Variants in SLCO5A1 observed in about 807,000 individuals in gnomAD.
SLCO5A1 encodes the protein solute carrier organic anion transporter family member 5A1.
Under a neutral mutation model 65.1 loss-of-function variants are expected in SLCO5A1, and 39 were observed. The observed-to-expected ratio is 0.60, with a 90% CI of 0.46 to 0.78. The LOEUF is 0.78. Among genes scored for constraint, SLCO5A1 ranks in the 30% least tolerant of loss-of-function variants. SLCO5A1 has a pLI of 0.00. For missense variants in SLCO5A1, 1,029 were observed against 1,069.4 expected, an observed-to-expected ratio of 0.96 and a Z score of 0.53; for synonymous variants, 438 against 415.7, an observed-to-expected ratio of 1.05 and a Z score of -0.65.
chr8:69,767,919 A>AAAAGAAAAG (rs140719370), intron 2 of SLCO5A1, among the ~76,000 whole-genome samples: 2 of 90,698 alleles, frequency 2.2e-5, no homozygotes, highest in South Asian at 3.6e-4. Context: ...AAACAAAAAG[A>AAAAGAAAAG]AAAAGAAAAA....
chr8:69,737,112 TATGTCTTTATATGTATAAG>T (rs1816595221), intron 5 of SLCO5A1, among the ~76,000 whole-genome samples: 1 of 152,246 alleles, frequency 6.6e-6, no homozygotes, highest in African/African-American at 2.4e-5. Flanking sequence ...CCCAATGTTG[TATGTCTTTATATGTATAAG>T]ATGAAGTAAA....
chr8:69,688,049 T>C (rs888604507), intron 6 of SLCO5A1, among the ~76,000 whole-genome samples: 1 of 152,020 alleles, frequency 6.6e-6, no homozygotes. Flanking sequence ...GGTTACAAAA[T>C]TTCAAACTTG....
chr8:69,771,953 G>C (rs1473249243), intron 2 of SLCO5A1, among the ~76,000 whole-genome samples: 1 of 152,162 alleles, frequency 6.6e-6, no homozygotes, highest in Admixed American at 6.5e-5. Flanking sequence ...CCCTGGGGAG[G>C]GTCCTATGGG....
chr8:69,673,066 C>G lies in SLCO5A1; in HGVS notation c.2350G>C (p.Val784Leu), dbSNP rs1186509001. 1 of 1,614,266 alleles carries G rather than the reference C, an allele frequency of 6.2e-7. No individual in the cohort carries two copies. Among genetic ancestry groups the G allele is most frequent in the Admixed American group, 1.7e-5 (1 of 60,036 alleles). ...EFPLSTVSER[V>L]GHPDNARTRS... The stretch of plus-strand genomic sequence containing the variant: ...GTCCGGGCATTGTCGGGGTGTCCCA[C>G]TCTCTCACTCACGGTGCTCAGGGGA... Residue 784 changes from valine to leucine, a missense_variant, in exon 10 of 10, where the codon GTG (valine) becomes CTG (leucine). This residue lies in a region of SLCO5A1 where 258 missense variants were observed against 237.4 expected (regional missense o/e 1.09). Transcript: ENST00000260126.
At position 69,815,048 on chromosome 8, in the gene SLCO5A1, C is replaced by A. The variant is rs570632929; in HGVS notation, c.907+16719G>T. Among the ~76,000 whole-genome samples, 3 of 152,156 alleles carry A rather than the reference C, an allele frequency of 2.0e-5. No individual in the cohort carries two copies. The South Asian group carries it at 6.2e-4, about 32-fold the overall frequency. On this transcript the variant is annotated intron_variant, in intron 2 of 9. Coordinates refer to ENST00000260126, the MANE Select transcript of SLCO5A1 (RefSeq NM_030958.3). The stretch of plus-strand genomic sequence containing the variant: ...TGGGGAGATGATGATTAAAAGGGTA[C>A]AAAATTTCAGGGAGGAGAAATGTTT...
intron 2 of SLCO5A1, among the ~76,000 whole-genome samples, chr8:69,797,445 G>A (rs1378503583): frequency 5.9e-5 from 9 of 152,234 alleles, no homozygotes; most frequent in Admixed American, 3.9e-4. Context: ...GCAATGTTCA[G>A]GGAACAAGAG....
At chr8:69,751,183 T>C (rs970474978) in intron 4 of SLCO5A1, among the ~76,000 whole-genome samples, 7 of 152,118 alleles carry the variant, frequency 4.6e-5, no homozygotes, top group African/African-American at 1.7e-4. Flanking sequence ...CCACCAAAAG[T>C]TTTTTAGATA....
intron 6 of SLCO5A1, among the ~76,000 whole-genome samples, chr8:69,702,504 TAC>T (rs71257200): frequency 0.045 from 6,717 of 148,670 alleles, 296 homozygotes; most frequent in African/African-American, 0.11. Flanking sequence ...ACACACATCT[TAC>T]ACACACACAC....
intron 5 of SLCO5A1, among the ~76,000 whole-genome samples, chr8:69,712,605 A>G (rs1214289971): frequency 1.3e-5 from 2 of 152,176 alleles, no homozygotes; most frequent in African/African-American, 4.8e-5. Flanking sequence ...TATTGTTGCT[A>G]TTGTTAAGAC....
chr8:69,751,083 C>T (rs1200349743), intron 4 of SLCO5A1, among the ~76,000 whole-genome samples: 1 of 152,136 alleles, frequency 6.6e-6, no homozygotes, highest in African/African-American at 2.4e-5. Context: ...ATCTCTGTTA[C>T]ATTTTATGCT....
chr8:69,793,497 C>T (rs1451901973), intron 2 of SLCO5A1, among the ~76,000 whole-genome samples: 1 of 152,130 alleles, frequency 6.6e-6, no homozygotes, highest in Non-Finnish European at 1.5e-5. Flanking sequence ...GACATGGTGG[C>T]TCACGCCTGT....
At chr8:69,784,886 AGAAGAAAG>A (rs1189392316) in intron 2 of SLCO5A1, among the ~76,000 whole-genome samples, 8 of 122,162 alleles carry the variant, frequency 6.5e-5, no homozygotes, top group African/African-American at 1.0e-4. Flanking sequence ...AAAGAAAGAA[AGAAGAAAG>A]GAAGAAAGAA....
At chr8:69,818,127 T>C (rs1408742531) in intron 2 of SLCO5A1, among the ~76,000 whole-genome samples, 1 of 152,232 alleles carries the variant, frequency 6.6e-6, no homozygotes, top group African/African-American at 2.4e-5. Flanking sequence ...ATCACCCAAC[T>C]GTGAAATTCT....
At chr8:69,678,904 T>C (rs1180820449) in intron 8 of SLCO5A1, among the ~76,000 whole-genome samples, 1 of 152,140 alleles carries the variant, frequency 6.6e-6, no homozygotes, top group Non-Finnish European at 1.5e-5. Context: ...GCATTTCAAA[T>C]TGCAGGCCCA....
chr8:69,711,103 C>T (rs1321446209), intron 5 of SLCO5A1, among the ~76,000 whole-genome samples: 1 of 152,084 alleles, frequency 6.6e-6, no homozygotes, highest in Non-Finnish European at 1.5e-5. Context: ...GTTTCTCCAC[C>T]CACCACCACG....
chr8:69,673,757 A>G lies in SLCO5A1; in HGVS notation c.2090-431T>C, dbSNP rs570305582. 3.3e-5 allele frequency among the ~76,000 whole-genome samples: 5 copies of G among 152,320 alleles called. No homozygotes were observed. In the East Asian group the frequency reaches 9.6e-4, roughly 29 times the overall value. On this transcript the variant is annotated intron_variant, in intron 9 of 9. Transcript: ENST00000260126. Reference sequence around the variant, plus strand: ...ACCCTTTATTACCCACCAAAATTCGATACGCTTAGTTCTTGTGGGTTGGGC... The same window carrying G: ...ACCCTTTATTACCCACCAAAATTCGGTACGCTTAGTTCTTGTGGGTTGGGC...
intron 2 of SLCO5A1, among the ~76,000 whole-genome samples, chr8:69,797,184 C>G (rs1416954918): frequency 6.6e-6 from 1 of 152,178 alleles, no homozygotes; most frequent in African/African-American, 2.4e-5. Flanking sequence ...TTATGCCTGT[C>G]TTTACTGCAA....
chr8:69,733,861 T>C (rs1816440377), intron 5 of SLCO5A1, among the ~76,000 whole-genome samples: 1 of 152,218 alleles, frequency 6.6e-6, no homozygotes, highest in African/African-American at 2.4e-5. Flanking sequence ...GGATATGTCT[T>C]TATCGCAGTA....
chr8:69,772,852 G>T, intron 2 of SLCO5A1: 1 of 825,572 alleles, frequency 1.2e-6, no homozygotes, highest in Non-Finnish European at 1.5e-6. Context: ...ACTGGGACAG[G>T]GAGGGCTCAC....
Sources: allele counts gnomAD v4.1 joint callset (sites outside exome capture counted in the v4.1 genomes callset), GRCh38; gene constraint gnomAD v4.1.1; regional missense constraint gnomAD v4.1.1; transcripts MANE v1.5; gene names NCBI Gene and HGNC (gene_info 2026-07-23, HGNC 2026-07-21).